Variants in PPM1G observed in about 807,000 individuals in gnomAD.
PPM1G encodes protein phosphatase 1G.
PPM1G carries 12 observed loss-of-function variants against 59.4 expected under a neutral mutation model. That is an observed-to-expected ratio of 0.20 (90% CI 0.13 to 0.33). PPM1G has a LOEUF of 0.33. PPM1G is among the 10% of genes least tolerant of loss of function. PPM1G has a pLI of 1.00. For synonymous variants in PPM1G, 245 were observed against 251.9 expected, an observed-to-expected ratio of 0.97 and a Z score of 0.26; for missense variants, 392 against 681.3, an observed-to-expected ratio of 0.58 and a Z score of 4.73.
chr2:27,388,105 T>C (rs1683812845), intron 1 of PPM1G, among the ~76,000 whole-genome samples: 1 of 151,584 alleles, frequency 6.6e-6, no homozygotes, highest in South Asian at 2.1e-4. Flanking sequence ...GCCTACAGCA[T>C]TATTTATAAT....
rs1683700164 is a variant in PPM1G, at chr2:27,383,914, T to C, written c.966+38A>G. 1 of 1,551,162 alleles carries C rather than the reference T, an allele frequency of 6.4e-7. No individual in the cohort carries two copies. The highest frequency in any genetic ancestry group is 1.2e-5 in the South Asian group (1 of 83,924). On this transcript the variant is annotated intron_variant, in intron 6 of 9. Coordinates refer to ENST00000344034, the MANE Select transcript of PPM1G (RefSeq NM_177983.3). The surrounding 1 kb of genome is among the most constrained non-coding windows in gnomAD (Gnocchi z 5.0). ...AATTAGGGGATTCACACCTGCCTTG[T>C]GGCTTTTCAAGACTCATTGCTCCCC...
At chr2:27,402,806 CAATAAATAAATAAATAAATA>C (rs201750083) in intron 1 of PPM1G, among the ~76,000 whole-genome samples, 52 of 140,902 alleles carry the variant, frequency 3.7e-4, no homozygotes, top group African/African-American at 8.5e-4. Context: ...GACTCCATCT[CAATAAATAAATAAATAAATA>C]AATAAATAAA....
In PPM1G at chr2:27,381,527, A is replaced by T; in HGVS notation, c.*72T>A. On this transcript the variant is annotated 3_prime_UTR_variant, in exon 10 of 10. Coordinates refer to ENST00000344034, the MANE Select transcript of PPM1G (RefSeq NM_177983.3). ...CATACCCACTGCTAAGGCTAAAGGA[A>T]AAAGACAAAACTCAGTCTCAGGTCC... 1.9e-6 allele frequency: 3 copies of T among 1,582,146 alleles called. No individual in the cohort carries two copies. The highest frequency in any genetic ancestry group is 2.6e-6 in the Non-Finnish European group (3 of 1,152,154).
At position 27,385,138 on chromosome 2, in the gene PPM1G, A is replaced by C. The variant is rs1683733677; in HGVS notation, c.410-50T>G. The C allele has an allele frequency of 6.6e-7, 1 of 1,517,220 alleles. No homozygotes were observed. Among genetic ancestry groups the C allele is most frequent in the Admixed American group, 2.1e-5 (1 of 47,706 alleles). 94.0% of individuals were successfully genotyped at this position (1,517,220 alleles called of 1,614,324 possible). A position where few individuals can be genotyped will look rare whatever the true frequency, so the allele number is the denominator to read the frequency against. ...GCCCCCATGCCAGACTCCTCATGGG[A>C]TCCGTCCCTCTCACTACCTCAACAG... On this transcript the variant is annotated intron_variant, in intron 4 of 9. Coordinates refer to ENST00000344034, the MANE Select transcript of PPM1G (RefSeq NM_177983.3). The surrounding 1 kb of genome is among the most constrained non-coding windows in gnomAD (Gnocchi z 4.1).
intron 1 of PPM1G, among the ~76,000 whole-genome samples, chr2:27,389,631 T>C (rs1683849506): frequency 6.6e-6 from 1 of 152,212 alleles, no homozygotes; most frequent in African/African-American, 2.4e-5. Flanking sequence ...CCAACTGATT[T>C]ATGCCTGAAT....
chr2:27,402,806 CAATA>C (rs201750083), intron 1 of PPM1G, among the ~76,000 whole-genome samples: 26,220 of 139,842 alleles, frequency 0.19, 2,590 homozygotes, highest in African/African-American at 0.2. Flanking sequence ...GACTCCATCT[CAATA>C]AATAAATAAA....
In PPM1G at chr2:27,382,032, ATAATGC is replaced by A. The variant is rs1683644256; in HGVS notation, c.1434+88_1434+93del. On this transcript the variant is annotated intron_variant, in intron 9 of 9. Coordinates refer to ENST00000344034, the MANE Select transcript of PPM1G (RefSeq NM_177983.3). The surrounding 1 kb of genome is among the most constrained non-coding windows in gnomAD (Gnocchi z 4.2). Reference sequence around the variant, plus strand: ...GTTTAGCGTCTGTCAGCAATTACTGATAATGCTCCCAGATTGCCGACTTAGCTCAGA... The same window carrying A: ...GTTTAGCGTCTGTCAGCAATTACTGATCCCAGATTGCCGACTTAGCTCAGA... 1 of 1,281,996 alleles carries A rather than the reference ATAATGC, an allele frequency of 7.8e-7. No individual in the cohort carries two copies. Among genetic ancestry groups the A allele is most frequent in the African/African-American group, 1.5e-5 (1 of 68,142 alleles). 79.4% of individuals were successfully genotyped at this position (1,281,996 alleles called of 1,614,324 possible). A position where few individuals can be genotyped will look rare whatever the true frequency, so the allele number is the denominator to read the frequency against.
intron 2 of PPM1G, chr2:27,386,600 G>C (rs922695213): frequency 5.1e-6 from 1 of 197,024 alleles, no homozygotes. Context: ...TGTTGCCCAG[G>C]CTGGAGTGCA....
At chr2:27,408,212 C>A (rs1199653420) in intron 1 of PPM1G, among the ~76,000 whole-genome samples, 1 of 152,188 alleles carries the variant, frequency 6.6e-6, no homozygotes, top group Non-Finnish European at 1.5e-5. Context: ...CCAGAGCTAA[C>A]CACAGGGAGG....
intron 1 of PPM1G, among the ~76,000 whole-genome samples, chr2:27,389,961 C>G (rs1683857571): frequency 6.6e-6 from 1 of 152,132 alleles, no homozygotes; most frequent in African/African-American, 2.4e-5. Flanking sequence ...GAGGGAGACC[C>G]CATCTCTAAA....
At chr2:27,381,934 C>A in intron 9 of PPM1G, 129 bp from the exon 10 acceptor site, 3 of 1,025,786 alleles carry the variant, frequency 2.9e-6, no homozygotes, top group South Asian at 2.9e-5. Context: ...TATCACACAA[C>A]GGCCCACCTG....
In PPM1G at chr2:27,382,643, TTCCCACA is replaced by T. The variant is rs1460927097; in HGVS notation, c.1202-45_1202-39del. The T allele has an allele frequency of 6.2e-7, 1 of 1,612,298 alleles. No individual in the cohort carries two copies. The highest frequency in any genetic ancestry group is 1.7e-5 in the Admixed American group (1 of 59,834). On this transcript the variant is annotated intron_variant, in intron 7 of 9. Transcript: ENST00000344034. The surrounding 1 kb of genome is among the most constrained non-coding windows in gnomAD (Gnocchi z 4.2). ...AATGGTTGATGAGCAGTTTGGATACTTCCCACAGACTTGTGTTTGTGGCAGGTCAAAC... is the reference window on the plus strand; with the variant it reads ...AATGGTTGATGAGCAGTTTGGATACTGACTTGTGTTTGTGGCAGGTCAAAC...
rs1432054373 is a variant in PPM1G at position 27,385,371 on chromosome 2, G to A, written c.410-283C>T. On this transcript the variant is annotated intron_variant, in intron 4 of 9. Transcript: ENST00000344034. This position sits in a 1 kb window ranked among gnomAD's most constrained non-coding sequence, Gnocchi z 4.1. ...TGTTAAGTTGTAAAAACCCTATTCT[G>A]GCTGAGGATCCAGGAAGCCCACAAT... 1 of 428,472 alleles carries A rather than the reference G, an allele frequency of 2.3e-6. No individual in the cohort carries two copies. Among genetic ancestry groups the A allele is most frequent in the Non-Finnish European group, 4.1e-6 (1 of 243,802 alleles). The allele number at this position is 428,472 out of a possible 1,614,324, so 26.5% of individuals were successfully genotyped here.
intron 1 of PPM1G, among the ~76,000 whole-genome samples, chr2:27,408,072 C>T (rs1663422710): frequency 6.6e-6 from 1 of 151,162 alleles, no homozygotes; most frequent in Non-Finnish European, 1.5e-5. Flanking sequence ...GGAGCCAAAG[C>T]AGATGAGATG....
chr2:27,387,590 T>C (rs967583389), intron 1 of PPM1G, among the ~76,000 whole-genome samples: 3 of 151,934 alleles, frequency 2.0e-5, no homozygotes, highest in African/African-American at 7.3e-5. Flanking sequence ...AACCTCCGCC[T>C]CGTGGGTTCA....
chr2:27,400,217 C>T (rs529868824), intron 1 of PPM1G, among the ~76,000 whole-genome samples: 4 of 151,290 alleles, frequency 2.6e-5, no homozygotes, highest in East Asian at 2.0e-4. Context: ...GGCAACACAG[C>T]GAAATCTCGT....
chr2:27,388,539 T>C (rs766399399), intron 1 of PPM1G, among the ~76,000 whole-genome samples: 6 of 152,038 alleles, frequency 3.9e-5, no homozygotes, highest in Non-Finnish European at 8.8e-5. Flanking sequence ...TGGAAATGAG[T>C]TCACAATATC....
In PPM1G at chr2:27,409,506, A is replaced by G; in HGVS notation, c.-84T>C. On this transcript the variant is annotated 5_prime_UTR_variant, in exon 1 of 10. Transcript: ENST00000344034. Reference sequence around the variant, plus strand: ...CCGAAGCCCCGGGGGTGCGCGCGGCAGGAGCAGGCCCCGCGGCGCGACCGA... The same window carrying G: ...CCGAAGCCCCGGGGGTGCGCGCGGCGGGAGCAGGCCCCGCGGCGCGACCGA... 7.3e-7 allele frequency: 1 copy of G among 1,361,798 alleles called. No homozygotes were observed. Among genetic ancestry groups the G allele is most frequent in the Non-Finnish European group, 9.4e-7 (1 of 1,060,454 alleles). The allele number at this position is 1,361,798 out of a possible 1,614,324, so 84.4% of individuals were successfully genotyped here. A position where few individuals can be genotyped will look rare whatever the true frequency, so the allele number is the denominator to read the frequency against.
At chr2:27,386,348 T>C (rs1683762040) in intron 2 of PPM1G, 69 bp from the exon 3 acceptor site, 2 of 1,159,678 alleles carry the variant, frequency 1.7e-6, no homozygotes, top group South Asian at 1.2e-5. Flanking sequence ...ACAATATTTA[T>C]ATGCCATACT....
Sources: gnomAD v4.1 joint callset for allele counts (sites outside exome capture counted in the v4.1 genomes callset) on GRCh38, gnomAD v4.1.1 for gene constraint, Gnocchi (gnomAD v3.1) non-coding constraint, MANE v1.5 for transcripts, NCBI Gene and HGNC (gene_info 2026-07-23, HGNC 2026-07-21) for gene names.